PCDHA2: variants seen among roughly 807,000 people sequenced by gnomAD.
PCDHA2 encodes the protein protocadherin alpha 2.
A neutral mutation model predicts 66.0 loss-of-function variants in PCDHA2; 58 were observed. That is an observed-to-expected ratio of 0.88 (90% CI 0.71 to 1.09). The LOEUF is 1.09. Ranked by LOEUF, PCDHA2 falls within the 50% of genes least tolerant of loss-of-function variation. The probability of loss-of-function intolerance (pLI) is 0.00; values close to 1 mark genes in which losing one functional copy is unlikely to be tolerated. For missense variants in PCDHA2, 1,267 were observed against 1,242.3 expected, an observed-to-expected ratio of 1.02 and a Z score of -0.30; for synonymous variants, 634 against 554.0, an observed-to-expected ratio of 1.14 and a Z score of -2.03.
At chr5:140,799,796 G>A (rs1554121023) in intron 1 of PCDHA2, among the ~76,000 whole-genome samples, 1 of 151,974 alleles carries the variant, frequency 6.6e-6, no homozygotes. Context: ...TAAATCACAT[G>A]TTTGATTTCA....
In PCDHA2 at chr5:140,856,749, C is replaced by T. The variant is rs146132566; in HGVS notation, c.2388+59397C>T. The T allele has an allele frequency of 1.3e-4, 214 of 1,595,860 alleles. 19 individuals carry two copies. In the Middle Eastern group the frequency reaches 4.3e-3, roughly 32 times the overall value. On this transcript the variant is annotated intron_variant, in intron 1 of 3. Transcript: ENST00000526136. ...TCTCTGCTGATCCTGGTGTTAGATGCCAATGATAACGCCCCTATCTTTGAC... is the reference window on the plus strand; with the variant it reads ...TCTCTGCTGATCCTGGTGTTAGATGTCAATGATAACGCCCCTATCTTTGAC...
intron 1 of PCDHA2, chr5:140,877,744 G>A (rs200651425): frequency 6.2e-7 from 1 of 1,614,080 alleles, no homozygotes; most frequent in African/African-American, 1.3e-5. Flanking sequence ...GAGGCAGAGG[G>A]TGTGCTCTGC....
chr5:140,885,965 A>C (rs2060792569), intron 1 of PCDHA2, among the ~76,000 whole-genome samples: 1 of 152,070 alleles, frequency 6.6e-6, no homozygotes, highest in African/African-American at 2.4e-5. Context: ...TTTTATTTTG[A>C]GATAATTATA....
chr5:140,801,260 C>CG (rs1762667788), intron 1 of PCDHA2: 1 of 1,613,750 alleles, frequency 6.2e-7, no homozygotes, highest in East Asian at 2.2e-5. Flanking sequence ...TTCTGCTCCT[C>CG]GCAGCCTCGG....
intron 3 of PCDHA2, among the ~76,000 whole-genome samples, chr5:140,995,873 C>T (rs1554254864): frequency 6.6e-6 from 1 of 152,126 alleles, no homozygotes; most frequent in Non-Finnish European, 1.5e-5. Flanking sequence ...AATTGTGCAA[C>T]CTGTGCTTCA....
intron 1 of PCDHA2, among the ~76,000 whole-genome samples, chr5:140,933,231 A>G (rs1488760874): frequency 4.6e-5 from 7 of 152,008 alleles, no homozygotes; most frequent in Non-Finnish European, 1.0e-4. Context: ...GCATTTATGA[A>G]AAAGAAAGGA....
intron 1 of PCDHA2, chr5:140,836,413 A>T (rs2150260051): frequency 6.2e-7 from 1 of 1,613,666 alleles, no homozygotes; most frequent in Non-Finnish European, 8.5e-7. Flanking sequence ...CAGGCACCAA[A>T]GGCGTCGTCG....
intron 1 of PCDHA2, among the ~76,000 whole-genome samples, chr5:140,975,853 C>T (rs1419464318): frequency 6.6e-6 from 1 of 152,126 alleles, no homozygotes; most frequent in African/African-American, 2.4e-5. Context: ...AATACTACAT[C>T]ACCCATATGG....
At chr5:140,871,049 T>A in intron 1 of PCDHA2, 4 of 1,613,302 alleles carry the variant, frequency 2.5e-6, no homozygotes, top group Non-Finnish European at 3.4e-6. Flanking sequence ...CTTCTAGTAC[T>A]GGTGAAGGAT....
chr5:141,006,376 TAA>T (rs2098270900), intron 3 of PCDHA2, among the ~76,000 whole-genome samples: 1 of 151,996 alleles, frequency 6.6e-6, no homozygotes, highest in South Asian at 2.1e-4. Flanking sequence ...CACGCCCGGC[TAA>T]GTTTTTTCTA....
intron 1 of PCDHA2, chr5:140,875,414 C>T: frequency 6.6e-7 from 1 of 1,508,510 alleles, no homozygotes; most frequent in Non-Finnish European, 8.8e-7. Context: ...CATAAAATAC[C>T]TCAGGCAAGC....
At chr5:140,987,588 A>G (rs1479484790) in intron 3 of PCDHA2, among the ~76,000 whole-genome samples, 1 of 152,220 alleles carries the variant, frequency 6.6e-6, no homozygotes, top group Non-Finnish European at 1.5e-5. Flanking sequence ...TGGGGAGAAT[A>G]GTGGTGTCTA....
intron 1 of PCDHA2, chr5:140,850,230 G>T (rs2150474720): frequency 6.3e-7 from 1 of 1,594,052 alleles, no homozygotes; most frequent in South Asian, 1.1e-5. Flanking sequence ...CGCAGTGAGC[G>T]AGATGGTGCT....
rs547873702 is a variant in PCDHA2 at position 140,879,516 on chromosome 5, T to C, written c.2388+82164T>C. 3.3e-5 allele frequency among the ~76,000 whole-genome samples: 5 copies of C among 152,322 alleles called. No homozygotes were observed. The East Asian group carries it at 7.7e-4, about 23-fold the overall frequency. On this transcript the variant is annotated intron_variant, in intron 1 of 3. Transcript: ENST00000526136. The stretch of plus-strand genomic sequence containing the variant: ...TGGATCTCAGAAGAGATTATTGATA[T>C]AGATTTTGGGAACAACTCCTTTAGA...
intron 1 of PCDHA2, chr5:140,884,522 C>T: frequency 6.2e-7 from 1 of 1,614,058 alleles, no homozygotes. Flanking sequence ...GTCGTACTCG[C>T]AGCAGAGGCG....
chr5:140,856,168 C>T lies in PCDHA2; in HGVS notation c.2388+58816C>T, dbSNP rs781959235. On this transcript the variant is annotated intron_variant, in intron 1 of 3. Transcript: ENST00000526136. ...ACTCAGTCTACGAGGAGGCCAGACA[C>T]GGCACCTTCGTGGGCCGCATCGCGC... 25 of 1,598,198 alleles carry T rather than the reference C, an allele frequency of 1.6e-5. 4 individuals carry two copies. The highest frequency in any genetic ancestry group is 2.1e-5 in the Non-Finnish European group (24 of 1,167,912).
At chr5:140,928,074 C>CT in intron 1 of PCDHA2, 1 of 1,614,216 alleles carries the variant, frequency 6.2e-7, no homozygotes, top group Non-Finnish European at 8.5e-7. Context: ...TTGACAACTA[C>CT]TACAGCCTGC....
chr5:140,836,475 G>T, intron 1 of PCDHA2: 1 of 1,613,846 alleles, frequency 6.2e-7, no homozygotes, highest in Non-Finnish European at 8.5e-7. Flanking sequence ...GGATGTCAAC[G>T]TGTACCTGAT....
chr5:140,805,378 G>A, intron 1 of PCDHA2: 8 of 1,125,842 alleles, frequency 7.1e-6, no homozygotes, highest in African/African-American at 1.6e-5. Flanking sequence ...CATAGTGAAA[G>A]TACTCTGGTT....
Sources: gnomAD v4.1 joint callset for allele counts (sites outside exome capture counted in the v4.1 genomes callset) on GRCh38, gnomAD v4.1.1 for gene constraint, MANE v1.5 for transcripts, NCBI Gene and HGNC (gene_info 2026-07-23, HGNC 2026-07-21) for gene names.